The following HIPK3 variants were observed in gnomAD, a reference collection of about 807,000 sequenced individuals.
HIPK3 encodes homeodomain interacting protein kinase 3.
In HIPK3, 47 loss-of-function variants were observed where a neutral mutation model predicts 124.2. The ratio of observed to expected loss-of-function variants is 0.38; its 90% CI spans 0.30 to 0.48. The LOEUF is 0.48. HIPK3 is among the 20% of genes least tolerant of loss of function. HIPK3 has a pLI of 0.98. For missense variants in HIPK3, 1,286 were observed against 1,454.3 expected (o/e 0.88, Z 1.88); for synonymous variants, 482 against 515.2 (o/e 0.94, Z 0.87).
chr11:33,349,374 C>A, intron 14 of HIPK3, 87 bp downstream of exon 14: 1 of 1,070,312 alleles, frequency 9.3e-7, no homozygotes, highest in Non-Finnish European at 1.3e-6. Context: ...TAAGTACCTG[C>A]CAGTTTACCA....
intron 1 of HIPK3, among the ~76,000 whole-genome samples, chr11:33,270,719 G>A (rs559756471): frequency 6.6e-6 from 1 of 152,120 alleles, no homozygotes; most frequent in Non-Finnish European, 1.5e-5. Flanking sequence ...ACTTTAGGAG[G>A]CTGAGGTAGG....
At chr11:33,311,073 C>T (rs2133942928) in intron 2 of HIPK3, among the ~76,000 whole-genome samples, 1 of 152,330 alleles carries the variant, frequency 6.6e-6, no homozygotes, top group Middle Eastern at 3.4e-3. Flanking sequence ...TGTTGACTAC[C>T]TTAAGGATAT....
At chr11:33,265,215 A>G (rs971985950) in intron 1 of HIPK3, among the ~76,000 whole-genome samples, 10 of 152,232 alleles carry the variant, frequency 6.6e-5, no homozygotes, top group Non-Finnish European at 1.2e-4. Flanking sequence ...ATGCTGTGCT[A>G]TATTCTCAAA....
intron 2 of HIPK3, among the ~76,000 whole-genome samples, chr11:33,293,146 A>G (rs1590366427): frequency 6.6e-6 from 1 of 152,200 alleles, no homozygotes; most frequent in African/African-American, 2.4e-5. Flanking sequence ...CGGGCCTTCT[A>G]TTAAAAATTC....
intron 1 of HIPK3, among the ~76,000 whole-genome samples, chr11:33,286,023 C>T (rs147197133): frequency 3.3e-5 from 5 of 152,288 alleles, no homozygotes; most frequent in African/African-American, 1.2e-4. Flanking sequence ...GATCCAACTG[C>T]CTCAGCCTCT....
At chr11:33,316,053 G>A (rs563110989) in intron 2 of HIPK3, among the ~76,000 whole-genome samples, 21 of 152,070 alleles carry the variant, frequency 1.4e-4, no homozygotes, top group Non-Finnish European at 2.4e-4. Flanking sequence ...GATAGTTGCG[G>A]TTATAGAGTC....
intron 2 of HIPK3, among the ~76,000 whole-genome samples, chr11:33,294,900 CAT>C (rs1232149459): frequency 6.6e-6 from 1 of 152,216 alleles, no homozygotes; most frequent in African/African-American, 2.4e-5. Context: ...TCCTTCATCA[CAT>C]GTTTACATTA....
chr11:33,319,512 G>A (rs1285014293), intron 2 of HIPK3, among the ~76,000 whole-genome samples: 3 of 142,906 alleles, frequency 2.1e-5, no homozygotes, highest in Non-Finnish European at 4.6e-5. Context: ...AAAAAAAAAA[G>A]TCATGATACC....
chr11:33,320,713 C>A (rs1281495096), intron 2 of HIPK3, among the ~76,000 whole-genome samples: 1 of 152,154 alleles, frequency 6.6e-6, no homozygotes, highest in African/African-American at 2.4e-5. Flanking sequence ...AAATTTGATT[C>A]TCACAGGTTG....
intron 2 of HIPK3, among the ~76,000 whole-genome samples, chr11:33,289,096 A>G (rs1042778506): frequency 1.3e-5 from 2 of 152,212 alleles, no homozygotes; most frequent in East Asian, 1.9e-4. Context: ...CCCTACCAGT[A>G]GGTTATCAGA....
intron 2 of HIPK3, among the ~76,000 whole-genome samples, chr11:33,321,290 G>C (rs1433820780): frequency 6.6e-6 from 1 of 152,200 alleles, no homozygotes. Context: ...CTTTTTGAAT[G>C]AGTTCAAGAT....
At chr11:33,278,095 G>T (rs1446927849) in intron 1 of HIPK3, among the ~76,000 whole-genome samples, 6 of 152,110 alleles carry the variant, frequency 3.9e-5, no homozygotes, top group Admixed American at 3.9e-4. Context: ...TTCTAAGAGT[G>T]TGTGTTTTTT....
Position 33,351,821 on chromosome 11 carries a change from C to T in HIPK3, c.3021C>T (p.Ala1007=), listed in dbSNP as rs758145137. ...TGGAACTAGAAAATGGCTTAAATGCCGATGAGCATATGGCAAACACAGGTA... is the reference window on the plus strand; with the variant it reads ...TGGAACTAGAAAATGGCTTAAATGCTGATGAGCATATGGCAAACACAGGTA... ...PPVELENGLN[A]DEHMANTDSI... is the part of the protein sequence containing the mutation. Residue 1007 remains alanine, a synonymous_variant, in exon 15 of 17, where the codon GCC becomes GCT. Transcript: ENST00000303296. 18 of 1,613,626 alleles carry T rather than the reference C, an allele frequency of 1.1e-5. No individual in the cohort carries two copies. The highest frequency in any genetic ancestry group is 1.7e-4 in the Middle Eastern group (1 of 6,060).
intron 16 of HIPK3, 110 bp from the exon 17 acceptor site, chr11:33,352,982 C>T: frequency 1.5e-6 from 1 of 646,850 alleles, no homozygotes; most frequent in East Asian, 2.7e-5. Context: ...TCTGAGAGAT[C>T]CACTATGAGT....
intron 1 of HIPK3, among the ~76,000 whole-genome samples, chr11:33,274,988 A>C (rs1168276948): frequency 6.6e-6 from 1 of 152,130 alleles, no homozygotes; most frequent in African/African-American, 2.4e-5. Context: ...CAGCAGGTTT[A>C]GTTTATTAAG....
intron 2 of HIPK3, among the ~76,000 whole-genome samples, chr11:33,304,185 C>T (rs1336040611): frequency 8.5e-5 from 13 of 152,188 alleles, no homozygotes; most frequent in Admixed American, 8.5e-4. Flanking sequence ...GTGATCTACC[C>T]ACCTTGGCCT....
At position 33,287,464 on chromosome 11, in the gene HIPK3, T is replaced by C. The variant is rs1264533274; in HGVS notation, c.1050T>C (p.His350=). 2 of 1,613,928 alleles carry C rather than the reference T, an allele frequency of 1.2e-6. No individual in the cohort carries two copies. Among genetic ancestry groups the C allele is most frequent in the African/African-American group, 2.7e-5 (2 of 74,912 alleles). ...VKVIDFGSAS[H]VSKTVCSTYL... ...TAATAGACTTTGGGTCGGCCAGTCA[T>C]GTATCAAAGACTGTTTGTTCAACAT... The change falls in exon 2 of 17, where the codon CAT becomes CAC. Residue 350 remains histidine, a synonymous_variant. Transcript: ENST00000303296.
intron 2 of HIPK3, among the ~76,000 whole-genome samples, chr11:33,288,496 C>T (rs536446742): frequency 1.3e-5 from 2 of 152,206 alleles, no homozygotes; most frequent in African/African-American, 2.4e-5. Context: ...CTTTGGCTCC[C>T]GTGACTCTTT....
Position 33,353,691 on chromosome 11 carries a change from A to G in HIPK3, c.*123A>G. On this transcript the variant is annotated 3_prime_UTR_variant, in exon 17 of 17. Coordinates refer to ENST00000303296, the MANE Select transcript of HIPK3 (RefSeq NM_005734.5). ...AATCATGTAGACTTGGGTGCAATTTAAACAACTTTGAGCTTTAAAAACTCA... is the reference window on the plus strand; with the variant it reads ...AATCATGTAGACTTGGGTGCAATTTGAACAACTTTGAGCTTTAAAAACTCA... 1 of 709,140 alleles carries G rather than the reference A, an allele frequency of 1.4e-6. No homozygotes were observed. The allele number at this position is 709,140 out of a possible 1,614,324, so 43.9% of individuals were successfully genotyped here. A position where few individuals can be genotyped will look rare whatever the true frequency, so the allele number is the denominator to read the frequency against.
Sources: allele counts gnomAD v4.1 joint callset (sites outside exome capture counted in the v4.1 genomes callset), GRCh38; gene constraint gnomAD v4.1.1; transcripts MANE v1.5; gene names NCBI Gene and HGNC (gene_info 2026-07-23, HGNC 2026-07-21).